The following TFPI variants were observed in gnomAD, a reference collection of about 807,000 sequenced individuals.
The protein encoded by TFPI is tissue factor pathway inhibitor.
A neutral mutation model predicts 34.6 loss-of-function variants in TFPI; 15 were observed. That is an observed-to-expected ratio of 0.43 (90% CI 0.29 to 0.67). The LOEUF is 0.67. Ranked by LOEUF, TFPI falls within the 30% of genes least tolerant of loss-of-function variation. The pLI, the probability that TFPI is intolerant of heterozygous loss-of-function variation, is 0.15. For synonymous variants in TFPI, 105 were observed against 120.1 expected (o/e 0.87, Z 0.82); for missense variants, 301 against 364.0 (o/e 0.83, Z 1.41).
chr2:187,534,166 C>T (rs191408117), intron 1 of TFPI, among the ~76,000 whole-genome samples: 8 of 152,280 alleles, frequency 5.3e-5, no homozygotes, highest in Admixed American at 5.2e-4. Context: ...TCCAGGAGAA[C>T]TTCCCCAACC....
chr2:187,513,799 C>G (rs1686810337), intron 1 of TFPI: 3 of 152,262 alleles, frequency 2.0e-5, no homozygotes, highest in East Asian at 3.9e-4. Flanking sequence ...TTCTTCTTTC[C>G]TCACTCTATT....
At chr2:187,478,470 A>T (rs1692543719) in intron 6 of TFPI, 4 of 599,176 alleles carry the variant, frequency 6.7e-6, no homozygotes, top group Non-Finnish European at 7.4e-6. Context: ...TTTTTCCATG[A>T]ATAGTTAGGT....
chr2:187,472,261 A>G (rs1193982937), intron 6 of TFPI, among the ~76,000 whole-genome samples: 2 of 152,106 alleles, frequency 1.3e-5, no homozygotes, highest in African/African-American at 4.8e-5. Context: ...ACAGTATTTC[A>G]TTTTATGAGT....
intron 1 of TFPI, among the ~76,000 whole-genome samples, chr2:187,539,259 A>C (rs918630570): frequency 3.3e-5 from 5 of 152,178 alleles, no homozygotes; most frequent in African/African-American, 1.2e-4. Flanking sequence ...GTGATAATAA[A>C]GTTCTAGGTG....
chr2:187,532,819 A>C (rs1287462771), intron 1 of TFPI, among the ~76,000 whole-genome samples: 1 of 152,158 alleles, frequency 6.6e-6, no homozygotes, highest in Non-Finnish European at 1.5e-5. Context: ...CAGCAAGCTA[A>C]GATCCACTGG....
intron 1 of TFPI, among the ~76,000 whole-genome samples, chr2:187,525,444 T>G (rs72906235): frequency 0.038 from 5,833 of 152,040 alleles, 140 homozygotes; most frequent in Admixed American, 0.089. Context: ...CTTCCTTTTT[T>G]TCTCCTTCCT....
rs138349562 is a variant in TFPI, at chr2:187,503,462, T to TACACACACAC, written c.121+176_121+185dup. On this transcript the variant is annotated intron_variant, in intron 2 of 7. Coordinates refer to ENST00000233156, the MANE Select transcript of TFPI (RefSeq NM_006287.6). Reference sequence around the variant, plus strand: ...ACTGTTTAAAACACACATGTGCATGTACACACACACACACACACACACACA... The same window carrying TACACACACAC: ...ACTGTTTAAAACACACATGTGCATGTACACACACACACACACACACACACACACACACACA... Among the ~76,000 whole-genome samples the TACACACACAC allele has an allele frequency of 1.4e-3, 206 of 142,316 alleles. 1 individual carries two copies. The highest frequency in any genetic ancestry group is 8.7e-3 in the East Asian group (42 of 4,846). The allele number at this position is 142,316 out of a possible 152,430, so 93.4% of individuals were successfully genotyped here. A position where few individuals can be genotyped will look rare whatever the true frequency, so the allele number is the denominator to read the frequency against.
At chr2:187,549,725 G>A (rs1689025889) in intron 1 of TFPI, among the ~76,000 whole-genome samples, 1 of 151,734 alleles carries the variant, frequency 6.6e-6, no homozygotes, top group South Asian at 2.1e-4. Context: ...TCTTATTTAG[G>A]CAAACTAAAA....
chr2:187,534,916 A>T (rs189070207), intron 1 of TFPI, among the ~76,000 whole-genome samples: 5 of 152,058 alleles, frequency 3.3e-5, no homozygotes, highest in East Asian at 3.9e-4. Context: ...TAAAAAAATA[A>T]AAAAAATCAG....
rs988082358 is a variant in TFPI at position 187,478,443 on chromosome 2, C to T, written c.628+5681G>A. The T allele has an allele frequency of 1.3e-4, 52 of 404,530 alleles. 1 individual carries two copies. The highest frequency in any genetic ancestry group is 2.1e-4 in the Non-Finnish European group (50 of 239,484). The allele number at this position is 404,530 out of a possible 1,614,324, so 25.1% of individuals were successfully genotyped here. ...TGGAAGCAAAGGGATGTATAAAAAT[C>T]AGGAAAAAAATGACTTTTTTTCCAT... On this transcript the variant is annotated intron_variant, in intron 6 of 7. Coordinates refer to ENST00000233156, the MANE Select transcript of TFPI (RefSeq NM_006287.6).
At chr2:187,522,443 G>C (rs975565746) in intron 1 of TFPI, among the ~76,000 whole-genome samples, 1 of 151,958 alleles carries the variant, frequency 6.6e-6, no homozygotes, top group Non-Finnish European at 1.5e-5. Flanking sequence ...TGGGTACAAA[G>C]TTTTAGTTAT....
chr2:187,510,710 C>A (rs537187108), intron 1 of TFPI, among the ~76,000 whole-genome samples: 11 of 152,296 alleles, frequency 7.2e-5, no homozygotes, highest in Admixed American at 6.5e-4. Flanking sequence ...CTGTCCTGTT[C>A]TGTTCCATTC....
At chr2:187,499,289 CT>C (rs2106098500) in intron 2 of TFPI, among the ~76,000 whole-genome samples, 1 of 151,914 alleles carries the variant, frequency 6.6e-6, no homozygotes, top group East Asian at 1.9e-4. Context: ...TACACAAGTA[CT>C]TTTTAATAGA....
intron 4 of TFPI, among the ~76,000 whole-genome samples, chr2:187,486,147 T>C (rs903661484): frequency 4.0e-5 from 6 of 151,694 alleles, no homozygotes; most frequent in Non-Finnish European, 8.9e-5. Flanking sequence ...CTTTGTTTCT[T>C]CTGTATTGCC....
rs566531247 is a variant in TFPI, at chr2:187,499,160, A to G, written c.122-2082T>C. 1.3e-3 allele frequency among the ~76,000 whole-genome samples: 200 copies of G among 151,752 alleles called. 1 individual carries two copies. Among genetic ancestry groups the G allele is most frequent in the Non-Finnish European group, 2.4e-3 (162 of 67,784 alleles). On this transcript the variant is annotated intron_variant, in intron 2 of 7. Transcript: ENST00000233156. Reference sequence around the variant, plus strand: ...ATCCTTTATCTAACATTTCATGTTGATGAACATATCTAAAATACGATAATT... The same window carrying G: ...ATCCTTTATCTAACATTTCATGTTGGTGAACATATCTAAAATACGATAATT...
intron 3 of TFPI, among the ~76,000 whole-genome samples, chr2:187,490,558 ATAT>A (rs1685049565): frequency 1.3e-5 from 2 of 151,478 alleles, no homozygotes; most frequent in African/African-American, 4.8e-5. Flanking sequence ...TAGTGCTTAC[ATAT>A]TATATCTTTT....
At chr2:187,468,072 C>T (rs568086365) in intron 6 of TFPI, 140 bp from the exon 7 acceptor site, 7 of 653,210 alleles carry the variant, frequency 1.1e-5, no homozygotes, top group East Asian at 6.5e-5. Flanking sequence ...TAATAAAATT[C>T]GTGCATTTCA....
chr2:187,468,118 G>A (rs1196030967), intron 6 of TFPI, among the ~76,000 whole-genome samples, 186 bp from the exon 7 acceptor site: 1 of 152,028 alleles, frequency 6.6e-6, no homozygotes, highest in Non-Finnish European at 1.5e-5. Flanking sequence ...CATGTGTCCA[G>A]TATATTGAGA....
chr2:187,489,552 TG>T (rs1684966236), intron 3 of TFPI, among the ~76,000 whole-genome samples: 1 of 151,510 alleles, frequency 6.6e-6, no homozygotes, highest in African/African-American at 2.4e-5. Flanking sequence ...ATGATTTAAT[TG>T]ATAAGAAGAA....
Sources: gnomAD v4.1 joint callset for allele counts (sites outside exome capture counted in the v4.1 genomes callset) on GRCh38, gnomAD v4.1.1 for gene constraint, MANE v1.5 for transcripts, NCBI Gene and HGNC (gene_info 2026-07-23, HGNC 2026-07-21) for gene names.